SGMS1: variants seen among roughly 807,000 people sequenced by gnomAD.
The protein encoded by SGMS1 is phosphatidylcholine:ceramide cholinephosphotransferase 1.
SGMS1 carries 13 observed loss-of-function variants against 46.2 expected under a neutral mutation model. That is an observed-to-expected ratio of 0.28 (90% CI 0.18 to 0.45). The LOEUF is 0.45. Among genes scored for constraint, SGMS1 ranks in the 20% least tolerant of loss-of-function variants. The probability of loss-of-function intolerance (pLI) is 1.00; values close to 1 mark genes in which losing one functional copy is unlikely to be tolerated. For missense variants in SGMS1, 324 were observed against 519.9 expected (o/e 0.62, Z 3.66); for synonymous variants, 203 against 187.8 (o/e 1.08, Z -0.66).
At chr10:50,311,227 G>T in intron 9 of SGMS1, 35 bp downstream of exon 9, 1 of 1,594,642 alleles carries the variant, frequency 6.3e-7, no homozygotes, top group Non-Finnish European at 8.6e-7. Context: ...GAAATGGCAG[G>T]TGAGGAAATT....
At chr10:50,512,609 T>C (rs1837766959) in intron 3 of SGMS1, among the ~76,000 whole-genome samples, 1 of 152,278 alleles carries the variant, frequency 6.6e-6, no homozygotes, top group African/African-American at 2.4e-5. Flanking sequence ...CTGATCCAGC[T>C]ATGAGGAAGT....
At chr10:50,541,972 T>C (rs760743597) in intron 2 of SGMS1, among the ~76,000 whole-genome samples, 5 of 152,204 alleles carry the variant, frequency 3.3e-5, no homozygotes, top group Admixed American at 2.0e-4. Flanking sequence ...TAGATGAGTA[T>C]GCTGGTGTCT....
chr10:50,380,805 A>T (rs1848592367), intron 6 of SGMS1, among the ~76,000 whole-genome samples: 1 of 152,164 alleles, frequency 6.6e-6, no homozygotes, highest in African/African-American at 2.4e-5. Context: ...GTTCTAAGGA[A>T]CAATATCTGT....
At chr10:50,381,853 G>A (rs574669682) in intron 6 of SGMS1, among the ~76,000 whole-genome samples, 1 of 152,238 alleles carries the variant, frequency 6.6e-6, no homozygotes, top group South Asian at 2.1e-4. Flanking sequence ...ACTGTGGTGT[G>A]GAAGGAAAAA....
intron 3 of SGMS1, among the ~76,000 whole-genome samples, chr10:50,501,696 C>T (rs956239506): frequency 1.3e-5 from 2 of 152,140 alleles, no homozygotes; most frequent in African/African-American, 4.8e-5. Flanking sequence ...CAAGTTGTCT[C>T]TGAGTCCTGA....
Position 50,454,762 on chromosome 10 carries a change from T to A in SGMS1, c.-313+5911A>T, listed in dbSNP as rs1455469592. Among the ~76,000 whole-genome samples the A allele has an allele frequency of 2.0e-5, 3 of 152,200 alleles. No homozygotes were observed. The East Asian group carries it at 5.8e-4, about 29-fold the overall frequency. ...GGCACTTGATAAAGCTTAATTGCTA[T>A]AGAAAACACAATTTTGATGGAGGAA... On this transcript the variant is annotated intron_variant, in intron 5 of 10. Transcript: ENST00000361781.
At chr10:50,350,650 C>T (rs576216934) in intron 6 of SGMS1, among the ~76,000 whole-genome samples, 12 of 152,338 alleles carry the variant, frequency 7.9e-5, no homozygotes, top group South Asian at 6.2e-4. Flanking sequence ...GGCCAAAATA[C>T]AGCCCGGGCT....
intron 6 of SGMS1, among the ~76,000 whole-genome samples, chr10:50,400,378 C>A (rs1848914666): frequency 3.2e-5 from 3 of 94,888 alleles, no homozygotes; most frequent in Non-Finnish European, 4.2e-5. Flanking sequence ...AACACAAGAC[C>A]TATAGAACAC....
intron 2 of SGMS1, among the ~76,000 whole-genome samples, chr10:50,550,669 C>A (rs1838141159): frequency 6.6e-6 from 1 of 152,152 alleles, no homozygotes; most frequent in Non-Finnish European, 1.5e-5. Flanking sequence ...CTTCTCTGAC[C>A]CCTCCTCGTC....
chr10:50,467,289 C>G (rs1837339069), intron 3 of SGMS1, among the ~76,000 whole-genome samples: 1 of 151,956 alleles, frequency 6.6e-6, no homozygotes, highest in African/African-American at 2.4e-5. Context: ...GATAAAGAAG[C>G]AAGAAAGCGT....
intron 6 of SGMS1, among the ~76,000 whole-genome samples, chr10:50,386,757 C>T (rs777794205): frequency 6.6e-6 from 1 of 152,164 alleles, no homozygotes. Context: ...TCTCAGCACA[C>T]CCCTGCCCCA....
At chr10:50,563,847 G>T (rs1838264768) in intron 2 of SGMS1, among the ~76,000 whole-genome samples, 1 of 152,006 alleles carries the variant, frequency 6.6e-6, no homozygotes, top group Admixed American at 6.5e-5. Flanking sequence ...CACAGGCCCA[G>T]GGTTTCTGAT....
chr10:50,435,338 A>G (rs1007496626), intron 5 of SGMS1, among the ~76,000 whole-genome samples: 1 of 152,228 alleles, frequency 6.6e-6, no homozygotes, highest in African/African-American at 2.4e-5. Context: ...GATTACTGCA[A>G]TTACTGTGCT....
chr10:50,377,992 C>G (rs1052195078), intron 6 of SGMS1, among the ~76,000 whole-genome samples: 1 of 152,184 alleles, frequency 6.6e-6, no homozygotes, highest in Non-Finnish European at 1.5e-5. Context: ...TTCTCAAGAG[C>G]CTTAATCACA....
intron 4 of SGMS1, among the ~76,000 whole-genome samples, chr10:50,464,232 G>A (rs988326518): frequency 6.6e-6 from 1 of 152,194 alleles, no homozygotes; most frequent in Non-Finnish European, 1.5e-5. Flanking sequence ...TGGGCCTAAT[G>A]TAATTACCAG....
At chr10:50,564,256 A>G (rs970600340) in intron 2 of SGMS1, among the ~76,000 whole-genome samples, 4 of 152,180 alleles carry the variant, frequency 2.6e-5, no homozygotes, top group African/African-American at 9.7e-5. Flanking sequence ...CCTTTGAGGG[A>G]AAGGGGGTCA....
chr10:50,376,320 C>T (rs1315492340), intron 6 of SGMS1, among the ~76,000 whole-genome samples: 1 of 152,138 alleles, frequency 6.6e-6, no homozygotes, highest in African/African-American at 2.4e-5. Context: ...TTGCTGGTTT[C>T]ACCTTAACAG....
chr10:50,469,716 A>G lies in SGMS1; in HGVS notation c.-497-2784T>C, dbSNP rs1474255226. Reference sequence around the variant, plus strand: ...GTACAGAATAAGGTACTCTTCCCCTATTCAATAATTCTGGTATAGCAATAC... The same window carrying G: ...GTACAGAATAAGGTACTCTTCCCCTGTTCAATAATTCTGGTATAGCAATAC... On this transcript the variant is annotated intron_variant, in intron 3 of 10. Transcript: ENST00000361781. Among the ~76,000 whole-genome samples, 43 of 152,152 alleles carry G rather than the reference A, an allele frequency of 2.8e-4. 1 individual carries two copies.
chr10:50,363,500 C>T (rs1589407485), intron 6 of SGMS1, among the ~76,000 whole-genome samples: 1 of 152,138 alleles, frequency 6.6e-6, no homozygotes, highest in Admixed American at 6.6e-5. Context: ...TGAGCAACTG[C>T]CTCTTCCCCA....
Sources: allele counts gnomAD v4.1 joint callset (sites outside exome capture counted in the v4.1 genomes callset), GRCh38; gene constraint gnomAD v4.1.1; transcripts MANE v1.5; gene names NCBI Gene and HGNC (gene_info 2026-07-23, HGNC 2026-07-21).